The following ESR2 variants were observed in gnomAD, a reference collection of about 807,000 sequenced individuals.
ESR2 encodes the protein estrogen receptor 2.
A neutral mutation model predicts 49.6 loss-of-function variants in ESR2; 36 were observed. That is an observed-to-expected ratio of 0.73 (90% CI 0.56 to 0.96). The LOEUF (loss-of-function observed/expected upper bound fraction) is 0.96, where lower values mean the gene tolerates loss of function less well. Among genes scored for constraint, ESR2 ranks in the 40% least tolerant of loss-of-function variants. The pLI is 0.00. For missense variants in ESR2, 714 were observed against 693.0 expected, an observed-to-expected ratio of 1.03 and a Z score of -0.34; for synonymous variants, 320 against 266.1, an observed-to-expected ratio of 1.20 and a Z score of -1.97.
intron 3 of ESR2, among the ~76,000 whole-genome samples, chr14:64,270,340 C>CT (rs2076415900): frequency 6.6e-6 from 1 of 152,158 alleles, no homozygotes; most frequent in African/African-American, 2.4e-5. Context: ...TGTCCCACCT[C>CT]TGCAGGGAGG....
At chr14:64,239,621 CTGTTGGG>C (rs1204446446) in intron 7 of ESR2, among the ~76,000 whole-genome samples, 4 of 152,176 alleles carry the variant, frequency 2.6e-5, no homozygotes, top group East Asian at 3.8e-4. Flanking sequence ...GCCAGTCTGT[CTGTTGGG>C]TGTTGGGTAG....
chr14:64,258,032 C>A (rs575194760), intron 5 of ESR2, among the ~76,000 whole-genome samples: 1 of 152,136 alleles, frequency 6.6e-6, no homozygotes, highest in Admixed American at 6.5e-5. Context: ...GCCTGGCCAA[C>A]ATGGAGAAAC....
At chr14:64,311,644 G>GAAA (rs71123837) in intron 1 of ESR2, among the ~76,000 whole-genome samples, 3 of 91,842 alleles carry the variant, frequency 3.3e-5, no homozygotes, top group Non-Finnish European at 4.3e-5. Context: ...CTCCATCTCA[G>GAAA]AAAAAAAAAA....
At chr14:64,248,204 G>A (rs2075907074) in intron 7 of ESR2, among the ~76,000 whole-genome samples, 1 of 150,982 alleles carries the variant, frequency 6.6e-6, no homozygotes, top group Admixed American at 6.6e-5. Context: ...AAAAAGAAAA[G>A]TGAAAAAACA....
intron 6 of ESR2, among the ~76,000 whole-genome samples, chr14:64,256,478 C>T (rs551439475): frequency 1.7e-4 from 26 of 152,302 alleles, no homozygotes; most frequent in Admixed American, 1.1e-3. Context: ...CCTGTAATCC[C>T]AGCGCTTTGG....
intron 1 of ESR2, among the ~76,000 whole-genome samples, chr14:64,286,337 G>A (rs1424852659): frequency 6.6e-6 from 1 of 152,028 alleles, no homozygotes; most frequent in Non-Finnish European, 1.5e-5. Context: ...GTTTCGCTGT[G>A]TCACCCAGGC....
At chr14:64,254,721 G>A (rs1256050) in intron 6 of ESR2, among the ~76,000 whole-genome samples, 37,223 of 151,536 alleles carry the variant, frequency 0.25, 6,819 homozygotes, top group African/African-American at 0.5. Context: ...TCATGCCATC[G>A]TATTCCAGCC....
At chr14:64,284,850 CTTTT>C (rs780694583) in intron 1 of ESR2, among the ~76,000 whole-genome samples, 1 of 139,608 alleles carries the variant, frequency 7.2e-6, no homozygotes, top group Non-Finnish European at 1.6e-5. Flanking sequence ...TATCGCATTA[CTTTT>C]TTTTTTTTTT....
chr14:64,332,265 T>C (rs2140908162), intron 1 of ESR2: 1 of 152,342 alleles, frequency 6.6e-6, no homozygotes, highest in African/African-American at 2.4e-5. Flanking sequence ...TGAGTAAATA[T>C]TTGTTTCCCA....
intron 1 of ESR2, among the ~76,000 whole-genome samples, chr14:64,289,813 T>C (rs2076842611): frequency 6.6e-6 from 1 of 152,182 alleles, no homozygotes; most frequent in Non-Finnish European, 1.5e-5. Flanking sequence ...TGATGCCATA[T>C]TCTCAAGCTT....
Position 64,260,432 on chromosome 14 carries a change from T to C in ESR2, c.952+17A>G, listed in dbSNP as rs995422917. Reference sequence around the variant, plus strand: ...TTTCTACAAGTACATGGAAAACTGATAGCCAGAAAGCCCTACCGGGAATCT... The same window carrying C: ...TTTCTACAAGTACATGGAAAACTGACAGCCAGAAAGCCCTACCGGGAATCT... On this transcript the variant is annotated intron_variant, in intron 5 of 8. Transcript: ENST00000341099. The C allele has an allele frequency of 2.6e-6, 4 of 1,522,940 alleles. No individual in the cohort carries two copies. The highest frequency in any genetic ancestry group is 1.3e-5 in the South Asian group (1 of 75,516). The allele number at this position is 1,522,940 out of a possible 1,614,324, so 94.3% of individuals were successfully genotyped here.
chr14:64,265,417 A>G (rs1279640749), intron 4 of ESR2, among the ~76,000 whole-genome samples: 1 of 152,244 alleles, frequency 6.6e-6, no homozygotes, highest in Non-Finnish European at 1.5e-5. Context: ...GGAACCAAAC[A>G]TAAGCTCAAA....
chr14:64,291,239 G>A (rs1411069009), intron 1 of ESR2, among the ~76,000 whole-genome samples: 3 of 152,154 alleles, frequency 2.0e-5, no homozygotes, highest in Non-Finnish European at 4.4e-5. Flanking sequence ...ACAAAATGCT[G>A]CAGTCTGGCT....
At chr14:64,299,269 CA>C (rs1335225309), upstream of ESR2, among the ~76,000 whole-genome samples, 1 of 151,862 alleles carries the variant, frequency 6.6e-6, no homozygotes, top group African/African-American at 2.4e-5. Flanking sequence ...GTTTTTTCTA[CA>C]TCTTCTTGTA....
rs569553828 is a variant in ESR2 at position 64,232,410 on chromosome 14, T to C, written c.*727A>G. 2 of 152,414 alleles carry C rather than the reference T, an allele frequency of 1.3e-5. No individual in the cohort carries two copies. The highest frequency in any genetic ancestry group is 3.9e-4 in the East Asian group (2 of 5,190). The allele number at this position is 152,414 out of a possible 1,614,324, so 9.4% of individuals were successfully genotyped here. On this transcript the variant is annotated 3_prime_UTR_variant, in exon 9 of 9. Coordinates refer to ENST00000341099, the MANE Select transcript of ESR2 (RefSeq NM_001437.3). ...GAGCAGCTCCAGAAGCAGCGAGATT[T>C]GTATCTCCCACAGTCCTGCATGAAA...
At chr14:64,305,417 T>C (rs901487643) in intron 1 of ESR2, among the ~76,000 whole-genome samples, 1 of 151,960 alleles carries the variant, frequency 6.6e-6, no homozygotes, top group Non-Finnish European at 1.5e-5. Flanking sequence ...ACGCCTGTAA[T>C]CCCAGCACTT....
intron 1 of ESR2, among the ~76,000 whole-genome samples, chr14:64,285,977 A>T: frequency 6.6e-6 from 1 of 152,304 alleles, no homozygotes; most frequent in Middle Eastern, 3.4e-3. Context: ...TCAAAATGTA[A>T]TATTTCACCA....
downstream of ESR2, chr14:64,227,567 T>C (rs370642838): frequency 5.6e-6 from 9 of 1,614,244 alleles, no homozygotes; most frequent in East Asian, 4.5e-5. Flanking sequence ...CAAAAGAGTC[T>C]CCATCTTCAT....
upstream of ESR2, among the ~76,000 whole-genome samples, chr14:64,296,319 T>C (rs1196389266): frequency 6.6e-6 from 1 of 152,234 alleles, no homozygotes; most frequent in Non-Finnish European, 1.5e-5. Context: ...ACAGAGCTTC[T>C]GTCAGCTACC....
Sources: allele counts gnomAD v4.1 joint callset (sites outside exome capture counted in the v4.1 genomes callset), GRCh38; gene constraint gnomAD v4.1.1; transcripts MANE v1.5; gene names NCBI Gene and HGNC (gene_info 2026-07-23, HGNC 2026-07-21).